ARHGAP15: variants seen among roughly 807,000 people sequenced by gnomAD.
The protein encoded by ARHGAP15 is Rho GTPase activating protein 15.
In ARHGAP15, 51 loss-of-function variants were observed where a neutral mutation model predicts 63.7. The ratio of observed to expected loss-of-function variants is 0.80; its 90% CI spans 0.64 to 1.01. The LOEUF is 1.01. ARHGAP15 is among the 50% of genes least tolerant of loss of function. The pLI, the probability that ARHGAP15 is intolerant of heterozygous loss-of-function variation, is 0.00. For synonymous variants in ARHGAP15, 191 were observed against 193.8 expected (o/e 0.99, Z 0.12); for missense variants, 560 against 564.6 (o/e 0.99, Z 0.08).
At chr2:143,614,943 T>C (rs1698398732) in intron 11 of ARHGAP15, among the ~76,000 whole-genome samples, 1 of 152,244 alleles carries the variant, frequency 6.6e-6, no homozygotes, top group Non-Finnish European at 1.5e-5. Context: ...GATGATAATG[T>C]TGTTCAGTAG....
intron 6 of ARHGAP15, among the ~76,000 whole-genome samples, chr2:143,413,967 G>GTGTGTGCGCA (rs1553476589): frequency 3.8e-5 from 1 of 26,664 alleles, no homozygotes; most frequent in African/African-American, 1.6e-4. Flanking sequence ...GTGTGTGTGT[G>GTGTGTGCGCA]CGCGCTCTCT....
intron 6 of ARHGAP15, among the ~76,000 whole-genome samples, chr2:143,433,967 T>G (rs1329752610): frequency 6.6e-6 from 1 of 152,078 alleles, no homozygotes; most frequent in Non-Finnish European, 1.5e-5. Flanking sequence ...TAGATTACTA[T>G]TTCTTAGGCA....
At chr2:143,725,031 T>C (rs1685218772) in intron 13 of ARHGAP15, among the ~76,000 whole-genome samples, 1 of 152,222 alleles carries the variant, frequency 6.6e-6, no homozygotes, top group Non-Finnish European at 1.5e-5. Flanking sequence ...AGAAGTTCTT[T>C]CTGAATTACC....
chr2:143,317,238 CAAAT>C (rs1468551545), intron 6 of ARHGAP15, among the ~76,000 whole-genome samples: 1 of 152,102 alleles, frequency 6.6e-6, no homozygotes, highest in African/African-American at 2.4e-5. Flanking sequence ...AAACAGGAAG[CAAAT>C]AAATAATTTA....
intron 5 of ARHGAP15, chr2:143,236,162 G>A (rs182364456): frequency 1.9e-4 from 111 of 580,078 alleles, no homozygotes; most frequent in African/African-American, 1.8e-3. Flanking sequence ...TTTACATTAG[G>A]GGCAACAGAA....
chr2:143,352,075 T>C (rs1685597961), intron 6 of ARHGAP15, among the ~76,000 whole-genome samples: 1 of 152,174 alleles, frequency 6.6e-6, no homozygotes, highest in South Asian at 2.1e-4. Context: ...TGTCCTCAAC[T>C]TTCGAACAAC....
chr2:143,687,051 A>C (rs1018721526), intron 12 of ARHGAP15, among the ~76,000 whole-genome samples: 2 of 152,238 alleles, frequency 1.3e-5, no homozygotes, highest in African/African-American at 4.8e-5. Flanking sequence ...TTAAATGGGC[A>C]TCTAATACTT....
At chr2:143,714,866 A>C (rs1003892296) in intron 13 of ARHGAP15, among the ~76,000 whole-genome samples, 13 of 152,192 alleles carry the variant, frequency 8.5e-5, no homozygotes, top group Non-Finnish European at 1.5e-5. Context: ...ATTTTTCTCG[A>C]AGCCATTCAA....
At chr2:143,237,666 A>G (rs1045736697) in intron 5 of ARHGAP15, 3 of 152,162 alleles carry the variant, frequency 2.0e-5, no homozygotes, top group African/African-American at 7.2e-5. Context: ...TGTGGAACTC[A>G]TTGTCACCAA....
intron 12 of ARHGAP15, among the ~76,000 whole-genome samples, chr2:143,625,437 C>T (rs1445935605): frequency 6.6e-6 from 1 of 151,936 alleles, no homozygotes; most frequent in Non-Finnish European, 1.5e-5. Flanking sequence ...TTGTTGCTTG[C>T]TCACAATTTC....
intron 8 of ARHGAP15, among the ~76,000 whole-genome samples, chr2:143,461,635 A>T (rs1354159074): frequency 1.3e-5 from 2 of 152,208 alleles, no homozygotes; most frequent in Non-Finnish European, 2.9e-5. Context: ...CAGCAAATTT[A>T]TCAGGAAAAT....
chr2:143,489,513 C>CTT (rs1449610573), intron 9 of ARHGAP15, among the ~76,000 whole-genome samples: 1 of 152,020 alleles, frequency 6.6e-6, no homozygotes, highest in African/African-American at 2.4e-5. Context: ...TAGCTATGAA[C>CTT]TTTTTTTAAG....
intron 1 of ARHGAP15, among the ~76,000 whole-genome samples, chr2:143,134,142 TCTATCTATCTAC>T (rs1415468437): frequency 0.046 from 1,357 of 29,234 alleles, 23 homozygotes; most frequent in African/African-American, 0.078. Context: ...TATCTATCTA[TCTATCTATCTAC>T]CTATCTATCT....
intron 6 of ARHGAP15, among the ~76,000 whole-genome samples, chr2:143,321,592 C>T (rs1434350975): frequency 6.6e-6 from 1 of 152,248 alleles, no homozygotes; most frequent in Non-Finnish European, 1.5e-5. Context: ...TTCTTCTGGA[C>T]TGAGATCCTC....
intron 6 of ARHGAP15, among the ~76,000 whole-genome samples, chr2:143,379,852 G>A (rs1686988017): frequency 6.6e-6 from 1 of 151,750 alleles, no homozygotes; most frequent in African/African-American, 2.4e-5. Flanking sequence ...AAATTTTAAA[G>A]ACGTTCTTAC....
intron 11 of ARHGAP15, among the ~76,000 whole-genome samples, chr2:143,580,315 G>A (rs1351187682): frequency 6.6e-6 from 1 of 152,030 alleles, no homozygotes; most frequent in Non-Finnish European, 1.5e-5. Flanking sequence ...GTATCTGTTA[G>A]TACCAAAGCC....
chr2:143,612,635 G>A (rs1212910583), intron 11 of ARHGAP15, among the ~76,000 whole-genome samples: 1 of 152,162 alleles, frequency 6.6e-6, no homozygotes, highest in African/African-American at 2.4e-5. Context: ...CCAAAATGAG[G>A]ACTAGCTAAA....
chr2:143,468,633 T>TGAGA (rs60106286), intron 8 of ARHGAP15, among the ~76,000 whole-genome samples: 8 of 135,256 alleles, frequency 5.9e-5, no homozygotes, highest in African/African-American at 2.0e-4. Flanking sequence ...GGTTTCTTTG[T>TGAGA]GAGAGAGAGA....
At chr2:143,308,802 TTTA>T in intron 6 of ARHGAP15, among the ~76,000 whole-genome samples, 1 of 152,080 alleles carries the variant, frequency 6.6e-6, no homozygotes, top group African/African-American at 2.4e-5. Flanking sequence ...ACTTAAATAC[TTTA>T]TTTACACTTT....
Sources: gnomAD v4.1 joint callset for allele counts (sites outside exome capture counted in the v4.1 genomes callset) on GRCh38, gnomAD v4.1.1 for gene constraint, MANE v1.5 for transcripts, NCBI Gene and HGNC (gene_info 2026-07-23, HGNC 2026-07-21) for gene names.